MLLT3: variants seen among roughly 807,000 people sequenced by gnomAD.
The protein encoded by MLLT3 is protein AF-9.
MLLT3 carries 4 observed loss-of-function variants against 53.2 expected under a neutral mutation model. The observed-to-expected ratio is 0.08, with a 90% CI of 0.04 to 0.17. The LOEUF is 0.17. MLLT3 is among the 10% of genes least tolerant of loss of function. MLLT3 has a pLI of 1.00. For synonymous variants in MLLT3, 283 were observed against 230.6 expected (o/e 1.23, Z -2.06); for missense variants, 569 against 684.0 (o/e 0.83, Z 1.87).
chr9:20,490,697 T>C (rs1330216101), intron 2 of MLLT3, among the ~76,000 whole-genome samples: 1 of 152,204 alleles, frequency 6.6e-6, no homozygotes, highest in African/African-American at 2.4e-5. Context: ...GCCACTAAAT[T>C]TGTGTTAATT....
At chr9:20,483,150 C>T (rs1824708091) in intron 2 of MLLT3, among the ~76,000 whole-genome samples, 1 of 152,086 alleles carries the variant, frequency 6.6e-6, no homozygotes, top group East Asian at 1.9e-4. Flanking sequence ...AATCCCACAC[C>T]CAGTAATCCA....
intron 2 of MLLT3, among the ~76,000 whole-genome samples, chr9:20,566,406 C>A (rs1245540770): frequency 6.6e-6 from 1 of 152,062 alleles, no homozygotes; most frequent in Non-Finnish European, 1.5e-5. Flanking sequence ...ATGAACAATA[C>A]ACGCTTAGGA....
intron 5 of MLLT3, among the ~76,000 whole-genome samples, chr9:20,370,325 C>A (rs1326483371): frequency 6.6e-6 from 1 of 152,132 alleles, no homozygotes; most frequent in Non-Finnish European, 1.5e-5. Context: ...ACACCACAAA[C>A]CGCACCCATG....
intron 4 of MLLT3, among the ~76,000 whole-genome samples, chr9:20,422,263 A>G (rs1378857528): frequency 1.3e-5 from 2 of 152,214 alleles, no homozygotes; most frequent in African/African-American, 4.8e-5. Context: ...ATGCTTTGGA[A>G]GGTTTTACTT....
At chr9:20,591,218 G>A (rs1045952170) in intron 2 of MLLT3, among the ~76,000 whole-genome samples, 1 of 151,972 alleles carries the variant, frequency 6.6e-6, no homozygotes, top group Non-Finnish European at 1.5e-5. Flanking sequence ...TAGTTTACTG[G>A]GGGCCTGACA....
chr9:20,587,267 G>T (rs1563831736), intron 2 of MLLT3, among the ~76,000 whole-genome samples: 1 of 149,876 alleles, frequency 6.7e-6, no homozygotes, highest in Non-Finnish European at 1.5e-5. Flanking sequence ...ACACAAAGCA[G>T]ATAAAAATGA....
chr9:20,398,959 A>T (rs1016453065), intron 5 of MLLT3, among the ~76,000 whole-genome samples: 1 of 152,158 alleles, frequency 6.6e-6, no homozygotes, highest in African/African-American at 2.4e-5. Context: ...CAAGAGCTAC[A>T]CACTCCTTGG....
At chr9:20,445,338 T>C (rs534238231) in intron 4 of MLLT3, among the ~76,000 whole-genome samples, 1 of 152,128 alleles carries the variant, frequency 6.6e-6, no homozygotes, top group Non-Finnish European at 1.5e-5. Context: ...ACAGGGTATA[T>C]TTCTTCCAAG....
At chr9:20,589,590 A>T in intron 2 of MLLT3, among the ~76,000 whole-genome samples, 1 of 63,378 alleles carries the variant, frequency 1.6e-5, no homozygotes, top group Non-Finnish European at 3.4e-5. Flanking sequence ...ATAATAATAA[A>T]AAAAAAAAGA....
intron 2 of MLLT3, among the ~76,000 whole-genome samples, chr9:20,592,245 C>A (rs1820147432): frequency 6.6e-6 from 1 of 152,150 alleles, no homozygotes; most frequent in African/African-American, 2.4e-5. Context: ...TAGATATAAA[C>A]CAGAATAACC....
chr9:20,523,717 C>T (rs991985974), intron 2 of MLLT3, among the ~76,000 whole-genome samples: 1 of 152,068 alleles, frequency 6.6e-6, no homozygotes, highest in Non-Finnish European at 1.5e-5. Flanking sequence ...TGCCTGTAAT[C>T]CCAGCACTTT....
At chr9:20,519,651 C>A (rs949621159) in intron 2 of MLLT3, among the ~76,000 whole-genome samples, 1 of 152,066 alleles carries the variant, frequency 6.6e-6, no homozygotes. Flanking sequence ...AGTGAGAAAC[C>A]ATCTCACGTC....
chr9:20,354,636 C>T (rs1349903207), intron 9 of MLLT3, among the ~76,000 whole-genome samples, 172 bp downstream of exon 9: 2 of 152,122 alleles, frequency 1.3e-5, no homozygotes, highest in Middle Eastern at 3.2e-3. Context: ...ATATAAACAA[C>T]ACATGGAAAA....
chr9:20,562,955 A>G (rs1488908429), intron 2 of MLLT3, among the ~76,000 whole-genome samples: 2 of 152,142 alleles, frequency 1.3e-5, no homozygotes, highest in African/African-American at 2.4e-5. Context: ...ACTGTACCCA[A>G]TGAAACACCT....
chr9:20,486,697 C>A (rs1381679040), intron 2 of MLLT3, among the ~76,000 whole-genome samples: 2 of 152,276 alleles, frequency 1.3e-5, no homozygotes, highest in Non-Finnish European at 2.9e-5. Context: ...TCCACTTATT[C>A]TCCAAGGGCC....
intron 5 of MLLT3, among the ~76,000 whole-genome samples, chr9:20,388,272 T>C (rs1308938323): frequency 6.6e-6 from 1 of 152,166 alleles, no homozygotes; most frequent in Non-Finnish European, 1.5e-5. Flanking sequence ...ACAGTAGAAT[T>C]TGTCCTTTTT....
intron 4 of MLLT3, among the ~76,000 whole-genome samples, chr9:20,433,045 C>T (rs1214509489): frequency 6.6e-6 from 1 of 151,920 alleles, no homozygotes. Flanking sequence ...GAAATTATGC[C>T]TTTTTGCCCC....
chr9:20,375,038 T>C (rs1265742452), intron 5 of MLLT3, among the ~76,000 whole-genome samples: 2 of 152,222 alleles, frequency 1.3e-5, no homozygotes, highest in Non-Finnish European at 2.9e-5. Flanking sequence ...AACGCAGCCA[T>C]CTGCAAGCCA....
chr9:20,511,596 C>A (rs1189894686), intron 2 of MLLT3, among the ~76,000 whole-genome samples: 3 of 152,166 alleles, frequency 2.0e-5, no homozygotes, highest in African/African-American at 7.2e-5. Context: ...GGCAGGAGGA[C>A]AGCTAGAGCC....
Sources: gnomAD v4.1 joint callset for allele counts (sites outside exome capture counted in the v4.1 genomes callset) on GRCh38, gnomAD v4.1.1 for gene constraint, MANE v1.5 for transcripts, NCBI Gene and HGNC (gene_info 2026-07-23, HGNC 2026-07-21) for gene names.